Variants in UBE2V2 observed in about 807,000 individuals in gnomAD.
The protein encoded by UBE2V2 is ubiquitin-conjugating enzyme E2 variant 2.
Under a neutral mutation model 17.2 loss-of-function variants are expected in UBE2V2, and 9 were observed. That is an observed-to-expected ratio of 0.52 (90% CI 0.32 to 0.91). The LOEUF (loss-of-function observed/expected upper bound fraction) is 0.91. UBE2V2 is among the 40% of genes least tolerant of loss of function. The pLI, the probability that UBE2V2 is intolerant of heterozygous loss-of-function variation, is 0.04. For synonymous variants in UBE2V2, 61 were observed against 57.5 expected (o/e 1.06, Z -0.28); for missense variants, 133 against 182.6 (o/e 0.73, Z 1.56).
chr8:48,060,532 T>A (rs896611116), intron 3 of UBE2V2, 150 bp from the exon 4 acceptor site: 1 of 555,558 alleles, frequency 1.8e-6, no homozygotes, highest in Non-Finnish European at 2.8e-6. Flanking sequence ...ATATACTAAT[T>A]ATGGTATTAG....
At chr8:48,044,650 G>A (rs943067155) in intron 2 of UBE2V2, among the ~76,000 whole-genome samples, 3 of 152,072 alleles carry the variant, frequency 2.0e-5, no homozygotes, top group African/African-American at 7.2e-5. Flanking sequence ...ATGTTGATAT[G>A]TTGATGGATA....
chr8:48,028,502 C>T (rs1447158448), intron 1 of UBE2V2, among the ~76,000 whole-genome samples: 1 of 152,006 alleles, frequency 6.6e-6, no homozygotes, highest in Non-Finnish European at 1.5e-5. Context: ...CCACACCTGG[C>T]GAATTTTGTA....
At chr8:48,017,376 C>A (rs987838859) in intron 1 of UBE2V2, among the ~76,000 whole-genome samples, 5 of 150,534 alleles carry the variant, frequency 3.3e-5, no homozygotes, top group African/African-American at 1.2e-4. Flanking sequence ...TGTTCTCTCT[C>A]TCTTTTTTTT....
At chr8:48,039,153 G>A (rs1394753519) in intron 1 of UBE2V2, among the ~76,000 whole-genome samples, 1 of 152,052 alleles carries the variant, frequency 6.6e-6, no homozygotes, top group Non-Finnish European at 1.5e-5. Flanking sequence ...ACCTGCCTTG[G>A]CCTCGTAAAG....
At chr8:48,002,774 G>A in the UBE2V2 span, among the ~76,000 whole-genome samples, 3 of 152,186 alleles carry the variant, frequency 2.0e-5, no homozygotes, top group East Asian at 3.9e-4. Context: ...TAATAACAAC[G>A]TACTGTATTC....
At chr8:48,050,812 G>T (rs1238220693) in intron 3 of UBE2V2, among the ~76,000 whole-genome samples, 1 of 152,054 alleles carries the variant, frequency 6.6e-6, no homozygotes, top group African/African-American at 2.4e-5. Flanking sequence ...TTCATGAAGG[G>T]TTTTTTTCTT....
In UBE2V2 at chr8:48,063,589, C is replaced by G. The variant is rs971645122; in HGVS notation, c.*2761C>G. 2 of 152,144 alleles carry G rather than the reference C, an allele frequency of 1.3e-5. No homozygotes were observed. The highest frequency in any genetic ancestry group is 6.5e-5 in the Admixed American group (1 of 15,272). The allele number at this position is 152,144 out of a possible 1,614,324, so 9.4% of individuals were successfully genotyped here. A position where few individuals can be genotyped will look rare whatever the true frequency, so the allele number is the denominator to read the frequency against. ...TGTTATGATTTAATGGTTTTAATTA[C>G]TTAACCAATTTTAAGAATTGACAAT... On this transcript the variant is annotated 3_prime_UTR_variant, in exon 4 of 4. Coordinates refer to ENST00000523111, the MANE Select transcript of UBE2V2 (RefSeq NM_003350.3).
chr8:48,048,132 A>T (rs2091511773), intron 2 of UBE2V2, among the ~76,000 whole-genome samples: 1 of 152,036 alleles, frequency 6.6e-6, no homozygotes, highest in Admixed American at 6.6e-5. Flanking sequence ...CATTCCAGAA[A>T]GCTCCCTTTG....
In UBE2V2 at chr8:48,039,016, C is replaced by T. The variant is rs78910232; in HGVS notation, c.17-4017C>T. On this transcript the variant is annotated intron_variant, in intron 1 of 3. Coordinates refer to ENST00000523111, the MANE Select transcript of UBE2V2 (RefSeq NM_003350.3). Reference sequence around the variant, plus strand: ...TGATCCCAGCTCACCGCAACCTCTGCCTCTTGGGTTCATGCGATTCTCCTG... The same window carrying T: ...TGATCCCAGCTCACCGCAACCTCTGTCTCTTGGGTTCATGCGATTCTCCTG... Among the ~76,000 whole-genome samples the T allele has an allele frequency of 2.2e-3, 330 of 151,270 alleles. 7 individuals are homozygous for T. In the East Asian group the frequency reaches 0.046, roughly 21 times the overall value.
At chr8:48,048,574 G>C (rs745604651) in intron 2 of UBE2V2, among the ~76,000 whole-genome samples, 1 of 152,174 alleles carries the variant, frequency 6.6e-6, no homozygotes, top group Non-Finnish European at 1.5e-5. Flanking sequence ...TATATTGAAA[G>C]TGCTGGGGAT....
the UBE2V2 span, among the ~76,000 whole-genome samples, chr8:48,003,175 A>C: frequency 6.6e-5 from 10 of 151,420 alleles, no homozygotes; most frequent in Admixed American, 6.6e-4. Context: ...GCGCCACTGC[A>C]CTACAGCCTG....
chr8:48,053,951 C>T (rs2091555868), intron 3 of UBE2V2, among the ~76,000 whole-genome samples: 1 of 151,612 alleles, frequency 6.6e-6, no homozygotes, highest in Non-Finnish European at 1.5e-5. Flanking sequence ...ATTACAGGTG[C>T]CTGCCACCAT....
At chr8:48,041,202 C>T (rs1166421503) in intron 1 of UBE2V2, among the ~76,000 whole-genome samples, 5 of 146,070 alleles carry the variant, frequency 3.4e-5, no homozygotes, top group African/African-American at 5.1e-5. Flanking sequence ...GACAGAGTCT[C>T]GCTCTGTCGT....
chr8:48,020,486 C>G (rs2154506959), intron 1 of UBE2V2, among the ~76,000 whole-genome samples: 1 of 152,154 alleles, frequency 6.6e-6, no homozygotes, highest in South Asian at 2.1e-4. Context: ...TAATTTAATT[C>G]ATTTACATTT....
chr8:48,036,137 G>A (rs1196573404), intron 1 of UBE2V2, among the ~76,000 whole-genome samples: 1 of 151,058 alleles, frequency 6.6e-6, no homozygotes, highest in Non-Finnish European at 1.5e-5. Flanking sequence ...GCATTTTTTT[G>A]TAGAGATGGG....
chr8:48,026,227 A>G (rs185778602), intron 1 of UBE2V2, among the ~76,000 whole-genome samples: 2 of 152,200 alleles, frequency 1.3e-5, no homozygotes, highest in East Asian at 1.9e-4. Flanking sequence ...GACAACAGCT[A>G]TGTAACCCGG....
At chr8:48,016,505 G>A (rs1193870203) in intron 1 of UBE2V2, among the ~76,000 whole-genome samples, 7 of 150,764 alleles carry the variant, frequency 4.6e-5, no homozygotes, top group Non-Finnish European at 5.9e-5. Context: ...TTTTTGAGAC[G>A]GAGTTTGGCT....
intron 1 of UBE2V2, among the ~76,000 whole-genome samples, chr8:48,039,668 A>G (rs751720489): frequency 6.6e-6 from 1 of 152,048 alleles, no homozygotes; most frequent in Non-Finnish European, 1.5e-5. Flanking sequence ...ATGAGATCAG[A>G]TTGGGTTCTA....
chr8:48,062,629 G>T lies in UBE2V2; in HGVS notation c.*1801G>T, dbSNP rs891517157. 6.6e-6 allele frequency: 1 copy of T among 151,568 alleles called. No homozygotes were observed. The highest frequency in any genetic ancestry group is 6.6e-5 in the Admixed American group (1 of 15,170). The allele number at this position is 151,568 out of a possible 1,614,324, so 9.4% of individuals were successfully genotyped here. ...AGAAAAATATTAATAATTGACCTTG[G>T]CTGTATATTAAAATAGTTACTTTTA... On this transcript the variant is annotated 3_prime_UTR_variant, in exon 4 of 4. Coordinates refer to ENST00000523111, the MANE Select transcript of UBE2V2 (RefSeq NM_003350.3).
Sources: gnomAD v4.1 joint callset for allele counts (sites outside exome capture counted in the v4.1 genomes callset) on GRCh38, gnomAD v4.1.1 for gene constraint, MANE v1.5 for transcripts, NCBI Gene and HGNC (gene_info 2026-07-23, HGNC 2026-07-21) for gene names.